NUDCD3: variants seen among roughly 807,000 people sequenced by gnomAD.
NUDCD3 encodes the protein NudC domain containing 3.
A neutral mutation model predicts 39.7 loss-of-function variants in NUDCD3; 13 were observed. The observed-to-expected ratio is 0.33, with a 90% CI of 0.21 to 0.52. The LOEUF (loss-of-function observed/expected upper bound fraction) is 0.52. Ranked by LOEUF, NUDCD3 falls within the 20% of genes least tolerant of loss-of-function variation. The pLI is 0.96. For missense variants in NUDCD3, 453 were observed against 458.1 expected, an observed-to-expected ratio of 0.99 and a Z score of 0.10; for synonymous variants, 175 against 172.4, an observed-to-expected ratio of 1.02 and a Z score of -0.12.
At chr7:44,416,496 A>G (rs946500669) in intron 3 of NUDCD3, among the ~76,000 whole-genome samples, 7 of 152,180 alleles carry the variant, frequency 4.6e-5, no homozygotes, top group African/African-American at 1.7e-4. Context: ...CAAATCAAAA[A>G]AAAATAAAAA....
chr7:44,394,226 G>T (rs1798577219), intron 4 of NUDCD3, among the ~76,000 whole-genome samples: 1 of 152,066 alleles, frequency 6.6e-6, no homozygotes, highest in African/African-American at 2.4e-5. Flanking sequence ...AGGGGGAGTG[G>T]TGAACAGGGG....
chr7:44,434,692 A>G (rs577055002), intron 2 of NUDCD3, among the ~76,000 whole-genome samples: 86 of 152,182 alleles, frequency 5.7e-4, no homozygotes, highest in African/African-American at 1.9e-3. Context: ...CTACAAATCA[A>G]TGTCTCCAAG....
At chr7:44,396,504 C>T (rs1381202530) in intron 4 of NUDCD3, among the ~76,000 whole-genome samples, 1 of 152,108 alleles carries the variant, frequency 6.6e-6, no homozygotes, top group Non-Finnish European at 1.5e-5. Context: ...TGCCTGGAGT[C>T]CCTCTCCACA....
At chr7:44,425,017 T>C (rs1192658277) in intron 3 of NUDCD3, among the ~76,000 whole-genome samples, 4 of 151,912 alleles carry the variant, frequency 2.6e-5, no homozygotes, top group Non-Finnish European at 5.9e-5. Flanking sequence ...CTGGAAACCA[T>C]CATCCTGAGC....
At chr7:44,469,825 G>A (rs1278983566) in intron 2 of NUDCD3, among the ~76,000 whole-genome samples, 38 of 130,068 alleles carry the variant, frequency 2.9e-4, no homozygotes, top group African/African-American at 5.7e-4. Context: ...GACATTCCAC[G>A]AAAAAAAAAA....
At chr7:44,387,865 T>C (rs1423888860) in intron 5 of NUDCD3, among the ~76,000 whole-genome samples, 1 of 152,222 alleles carries the variant, frequency 6.6e-6, no homozygotes, top group Non-Finnish European at 1.5e-5. Context: ...GCTAATGCTA[T>C]CTGCCTATGA....
chr7:44,468,348 G>GAAAAAAAAAAAA, intron 2 of NUDCD3: 2 of 305,498 alleles, frequency 6.5e-6, no homozygotes, highest in Admixed American at 8.5e-5. Context: ...TGTAAAAACT[G>GAAAAAAAAAAAA]CAAAAAAAAA....
chr7:44,397,929 T>G (rs1798652576), intron 4 of NUDCD3, among the ~76,000 whole-genome samples: 1 of 152,064 alleles, frequency 6.6e-6, no homozygotes, highest in African/African-American at 2.4e-5. Context: ...ACAGCCTTTT[T>G]CCTCCCCTGA....
At chr7:44,397,931 C>G (rs1267900109) in intron 4 of NUDCD3, among the ~76,000 whole-genome samples, 1 of 152,036 alleles carries the variant, frequency 6.6e-6, no homozygotes, top group East Asian at 1.9e-4. Context: ...AGCCTTTTTC[C>G]TCCCCTGACA....
intron 1 of NUDCD3, among the ~76,000 whole-genome samples, chr7:44,489,472 C>G (rs1489620008): frequency 6.6e-5 from 10 of 152,222 alleles, no homozygotes; most frequent in Non-Finnish European, 1.5e-5. Context: ...GAGGAAACAT[C>G]TGAAGCATTT....
chr7:44,463,214 T>G (rs1331524016), intron 2 of NUDCD3, among the ~76,000 whole-genome samples: 1 of 152,104 alleles, frequency 6.6e-6, no homozygotes, highest in Non-Finnish European at 1.5e-5. Context: ...GGTTAGGGTA[T>G]AACAATGGAA....
intron 2 of NUDCD3, among the ~76,000 whole-genome samples, chr7:44,430,563 C>A (rs1799341327): frequency 7.2e-6 from 1 of 139,690 alleles, no homozygotes; most frequent in Non-Finnish European, 1.5e-5. Flanking sequence ...CCCACACACA[C>A]ACACACTCAC....
chr7:44,478,277 G>A (rs757640346), intron 2 of NUDCD3, among the ~76,000 whole-genome samples: 12 of 152,312 alleles, frequency 7.9e-5, no homozygotes, highest in East Asian at 3.9e-4. Flanking sequence ...TGGGCCGGGC[G>A]CGGTGGCTCA....
At chr7:44,474,230 A>G (rs1221734174) in intron 2 of NUDCD3, among the ~76,000 whole-genome samples, 2 of 152,022 alleles carry the variant, frequency 1.3e-5, no homozygotes, top group African/African-American at 4.8e-5. Flanking sequence ...CTATTATTAT[A>G]GAAAAATATT....
intron 4 of NUDCD3, among the ~76,000 whole-genome samples, chr7:44,396,089 G>T (rs1380524273): frequency 1.6e-5 from 1 of 61,162 alleles, no homozygotes; most frequent in East Asian, 9.2e-4. Context: ...ATCTTCTGTT[G>T]TGTGTGTGTG....
intron 3 of NUDCD3, among the ~76,000 whole-genome samples, chr7:44,423,189 T>C (rs1799172830): frequency 6.6e-6 from 1 of 152,216 alleles, no homozygotes. Context: ...AATATCATAC[T>C]GAATGGGCAA....
At chr7:44,458,635 G>T (rs1265373946) in intron 2 of NUDCD3, among the ~76,000 whole-genome samples, 1 of 150,746 alleles carries the variant, frequency 6.6e-6, no homozygotes, top group African/African-American at 2.5e-5. Context: ...TCCAGCCTGC[G>T]CAACAAGAGC....
At chr7:44,448,971 G>T (rs1040913682) in intron 2 of NUDCD3, among the ~76,000 whole-genome samples, 2 of 152,164 alleles carry the variant, frequency 1.3e-5, no homozygotes, top group Admixed American at 6.5e-5. Context: ...AAGGAGGTCA[G>T]GAAGCTGGTA....
At chr7:44,452,582 G>A (rs1006127123) in intron 2 of NUDCD3, among the ~76,000 whole-genome samples, 1 of 152,240 alleles carries the variant, frequency 6.6e-6, no homozygotes, top group African/African-American at 2.4e-5. Flanking sequence ...ACAGGAGCTG[G>A]CTGCAGGCAA....
Sources: gnomAD v4.1 joint callset for allele counts (sites outside exome capture counted in the v4.1 genomes callset) on GRCh38, gnomAD v4.1.1 for gene constraint, MANE v1.5 for transcripts, NCBI Gene and HGNC (gene_info 2026-07-23, HGNC 2026-07-21) for gene names.